SIN3A: variants seen among roughly 807,000 people sequenced by gnomAD.
SIN3A encodes paired amphipathic helix protein Sin3a.
In SIN3A, 14 loss-of-function variants were observed where a neutral mutation model predicts 146.1. The observed-to-expected ratio is 0.10, with a 90% CI of 0.06 to 0.15. SIN3A has a LOEUF of 0.15. Among genes scored for constraint, SIN3A ranks in the 10% least tolerant of loss-of-function variants. The pLI, the probability that SIN3A is intolerant of heterozygous loss-of-function variation, is 1.00. For synonymous variants in SIN3A, 572 were observed against 572.0 expected (o/e 1.00, Z 0.00); for missense variants, 1,028 against 1,576.0 (o/e 0.65, Z 5.89).
At chr15:75,426,816 C>T (rs2073932849) in intron 2 of SIN3A, among the ~76,000 whole-genome samples, 1 of 151,976 alleles carries the variant, frequency 6.6e-6, no homozygotes, top group Non-Finnish European at 1.5e-5. Flanking sequence ...CCTGTAGTCC[C>T]AACTACTTGG....
chr15:75,408,586 T>A (rs1227774748), intron 8 of SIN3A, among the ~76,000 whole-genome samples: 1 of 152,214 alleles, frequency 6.6e-6, no homozygotes. Context: ...CATAGCTGTG[T>A]TACATCAAAG....
chr15:75,452,683 A>C (rs2074429778), upstream of SIN3A, among the ~76,000 whole-genome samples: 2 of 152,366 alleles, frequency 1.3e-5, no homozygotes, highest in Middle Eastern at 6.8e-3. Context: ...CGCCCTGGCA[A>C]GCCTCCGGAA....
intron 19 of SIN3A, among the ~76,000 whole-genome samples, chr15:75,378,018 A>G (rs143807125): frequency 6.6e-6 from 1 of 152,346 alleles, no homozygotes; most frequent in African/African-American, 2.4e-5. Context: ...ACAGCTTCCC[A>G]ATACTTAAAG....
upstream of SIN3A, among the ~76,000 whole-genome samples, chr15:75,454,259 A>T (rs1363812214): frequency 6.6e-6 from 1 of 152,166 alleles, no homozygotes; most frequent in Non-Finnish European, 1.5e-5. Context: ...GGAGAAAAAA[A>T]GGGAGTCTCG....
At chr15:75,380,800 T>C (rs1471105725) in intron 18 of SIN3A, 77 bp from the exon 19 acceptor site, 3 of 957,356 alleles carry the variant, frequency 3.1e-6, no homozygotes, top group Non-Finnish European at 5.1e-6. Context: ...CTCTAGTAAA[T>C]TCTATGATTA....
chr15:75,452,960 G>A (rs545702175), upstream of SIN3A: 1 of 152,266 alleles, frequency 6.6e-6, no homozygotes. Flanking sequence ...GTGAGACAAA[G>A]TGCTTTCAAT....
intron 2 of SIN3A, among the ~76,000 whole-genome samples, chr15:75,425,690 CT>C (rs1309707075): frequency 1.3e-5 from 2 of 152,232 alleles, no homozygotes; most frequent in African/African-American, 4.8e-5. Context: ...TTTTTCAGAA[CT>C]TTTTTCCTTT....
chr15:75,404,547 G>T (rs2073471667), intron 9 of SIN3A, among the ~76,000 whole-genome samples: 1 of 152,140 alleles, frequency 6.6e-6, no homozygotes, highest in South Asian at 2.1e-4. Context: ...GATCACCTGA[G>T]GTCAGGAGTT....
chr15:75,420,145 C>T (rs894252320), intron 3 of SIN3A: 1 of 152,124 alleles, frequency 6.6e-6, no homozygotes, highest in Non-Finnish European at 1.5e-5. Flanking sequence ...GGCCCCGAAT[C>T]TCCTGAAGTC....
chr15:75,417,451 C>T (rs2073761274), intron 3 of SIN3A, among the ~76,000 whole-genome samples: 1 of 151,366 alleles, frequency 6.6e-6, no homozygotes, highest in South Asian at 2.1e-4. Flanking sequence ...TCTCGGGTCA[C>T]TGCAACTTCT....
intron 12 of SIN3A, among the ~76,000 whole-genome samples, chr15:75,398,071 G>A (rs1180915119): frequency 2.0e-5 from 3 of 152,038 alleles, no homozygotes; most frequent in South Asian, 2.1e-4. Context: ...GTGTGAGGCG[G>A]GAAAACTGGC....
chr15:75,385,408 T>C (rs1441989662), intron 16 of SIN3A, among the ~76,000 whole-genome samples: 1 of 152,184 alleles, frequency 6.6e-6, no homozygotes, highest in Non-Finnish European at 1.5e-5. Flanking sequence ...GTACATAAAG[T>C]TAACTCACTT....
At chr15:75,406,415 C>T (rs1039581056) in intron 9 of SIN3A, among the ~76,000 whole-genome samples, 4 of 152,174 alleles carry the variant, frequency 2.6e-5, no homozygotes, top group Admixed American at 6.5e-5. Context: ...CGGCCAGGCG[C>T]GGTGGCTCAC....
Position 75,392,563 on chromosome 15 carries a change from C to T in SIN3A, c.2530G>A (p.Val844Ile), listed in dbSNP as rs986589896. Reference sequence around the variant, plus strand: ...TTAACTGCCCCTGTGGCTTCATCTACATCCATCTCTTCTTCTTCCTCTTCC... The same window carrying T: ...TTAACTGCCCCTGTGGCTTCATCTATATCCATCTCTTCTTCTTCCTCTTCC... The part of the protein sequence containing the change: ...VEEEEEEEMD[V>I]DEATGAVKKH... Residue 844 changes from valine (V) to isoleucine (I), a missense_variant, in exon 15 of 21, where the codon GTA (valine) becomes ATA (isoleucine). Val to Ile is a conservative substitution (Grantham distance 29). Coordinates refer to ENST00000394947, the MANE Select transcript of SIN3A (RefSeq NM_001145358.2). 1.9e-6 allele frequency: 3 copies of T among 1,614,126 alleles called. No individual in the cohort carries two copies. The highest frequency in any genetic ancestry group is 4.5e-5 in the East Asian group (2 of 44,890).
intron 19 of SIN3A, among the ~76,000 whole-genome samples, chr15:75,377,076 T>C (rs758382282): frequency 1.3e-5 from 2 of 152,132 alleles, no homozygotes; most frequent in Non-Finnish European, 2.9e-5. Flanking sequence ...ATTAAAGTAA[T>C]GGTGAACAAA....
At chr15:75,445,836 A>C (rs559123947) in intron 1 of SIN3A, among the ~76,000 whole-genome samples, 9 of 152,190 alleles carry the variant, frequency 5.9e-5, no homozygotes, top group Non-Finnish European at 1.2e-4. Flanking sequence ...AGTTCTTGAA[A>C]GGACAGGTGG....
chr15:75,381,176 T>C (rs929900442), intron 18 of SIN3A: 46 of 177,508 alleles, frequency 2.6e-4, no homozygotes, highest in African/African-American at 1.1e-3. Flanking sequence ...ACATCATACA[T>C]ATGGCCTGCA....
At chr15:75,404,884 C>G (rs1324433283) in intron 9 of SIN3A, among the ~76,000 whole-genome samples, 2 of 152,158 alleles carry the variant, frequency 1.3e-5, no homozygotes, top group Non-Finnish European at 2.9e-5. Context: ...GTAATCTCAA[C>G]ACTTTGGAAG....
chr15:75,450,443 C>T (rs1411152794), intron 1 of SIN3A, among the ~76,000 whole-genome samples: 1 of 152,184 alleles, frequency 6.6e-6, no homozygotes, highest in Admixed American at 6.5e-5. Flanking sequence ...TTTCCCTCCG[C>T]CACATTTCTA....
Sources: gnomAD v4.1 joint callset for allele counts (sites outside exome capture counted in the v4.1 genomes callset) on GRCh38, gnomAD v4.1.1 for gene constraint, MANE v1.5 for transcripts, NCBI Gene and HGNC (gene_info 2026-07-23, HGNC 2026-07-21) for gene names.